The following MAST4 variants were observed in gnomAD, a reference collection of about 807,000 sequenced individuals.
The protein encoded by MAST4 is microtubule-associated serine/threonine-protein kinase 4.
Under a neutral mutation model 162.7 loss-of-function variants are expected in MAST4, and 89 were observed. The observed-to-expected ratio is 0.55, with a 90% CI of 0.46 to 0.65. The LOEUF is 0.65. Among genes scored for constraint, MAST4 ranks in the 30% least tolerant of loss-of-function variants. MAST4 has a pLI of 0.00. For missense variants in MAST4, 3,153 were observed against 3,374.0 expected, an observed-to-expected ratio of 0.93 and a Z score of 1.62; for synonymous variants, 1,479 against 1,361.1, an observed-to-expected ratio of 1.09 and a Z score of -1.91.
At chr5:66,822,406 T>C (rs2008947) in intron 3 of MAST4, among the ~76,000 whole-genome samples, 7,314 of 152,266 alleles carry the variant, frequency 0.048, 266 homozygotes, top group South Asian at 0.13. Context: ...AGCAGGGATG[T>C]GTATTATGCC....
At chr5:66,922,017 C>T (rs1003888528) in intron 4 of MAST4, among the ~76,000 whole-genome samples, 1 of 152,112 alleles carries the variant, frequency 6.6e-6, no homozygotes, top group African/African-American at 2.4e-5. Flanking sequence ...CACTGCTAGA[C>T]TATGTTAAGC....
At chr5:67,123,893 G>A (rs778354286) in intron 14 of MAST4, among the ~76,000 whole-genome samples, 62 of 152,116 alleles carry the variant, frequency 4.1e-4, no homozygotes, top group African/African-American at 4.1e-4. Context: ...AGTGGCATAC[G>A]CCCTGTCTCC....
At chr5:66,829,143 T>A (rs948342429) in intron 3 of MAST4, among the ~76,000 whole-genome samples, 1 of 151,842 alleles carries the variant, frequency 6.6e-6, no homozygotes, top group African/African-American at 2.4e-5. Context: ...TATTCAAGAA[T>A]AGTTAAATTG....
chr5:66,622,831 A>C (rs10074858), intron 1 of MAST4: 82,789 of 151,974 alleles, frequency 0.54, 22,698 homozygotes, highest in Non-Finnish European at 0.58. Context: ...ACCTTGCGGC[A>C]CAGAATCCCA....
At chr5:67,102,862 C>T (rs931244571) in intron 9 of MAST4, among the ~76,000 whole-genome samples, 31 of 152,290 alleles carry the variant, frequency 2.0e-4, no homozygotes, top group Middle Eastern at 6.8e-3. Flanking sequence ...GCACCACACA[C>T]GGGGTGGGCC....
intron 4 of MAST4, among the ~76,000 whole-genome samples, chr5:66,966,772 T>C (rs1164518007): frequency 6.6e-6 from 1 of 152,220 alleles, no homozygotes; most frequent in Non-Finnish European, 1.5e-5. Flanking sequence ...ATCTTTGTTG[T>C]AGAAGTTGAT....
intron 1 of MAST4, among the ~76,000 whole-genome samples, chr5:66,746,312 T>G (rs1752756324): frequency 6.6e-6 from 1 of 152,166 alleles, no homozygotes; most frequent in Non-Finnish European, 1.5e-5. Context: ...AAGAGGAGGT[T>G]AAGGTTGACT....
intron 3 of MAST4, among the ~76,000 whole-genome samples, chr5:66,880,692 TCTCTCTACTC>T: frequency 6.6e-6 from 1 of 152,330 alleles, no homozygotes; most frequent in Admixed American, 6.5e-5. Flanking sequence ...CAGCCTAACA[TCTCTCTACTC>T]AGACCCATAC....
chr5:67,115,219 T>TA (rs1766743545), intron 12 of MAST4: 1 of 152,208 alleles, frequency 6.6e-6, no homozygotes, highest in African/African-American at 2.4e-5. Flanking sequence ...TTATTATTTA[T>TA]AACATTTAGG....
chr5:66,784,537 C>A (rs1012170267), intron 2 of MAST4, among the ~76,000 whole-genome samples: 1 of 152,180 alleles, frequency 6.6e-6, no homozygotes, highest in Admixed American at 6.5e-5. Context: ...GACAGATCTA[C>A]CATACTCCTC....
At chr5:66,854,020 T>G (rs553555091) in intron 3 of MAST4, among the ~76,000 whole-genome samples, 2 of 152,200 alleles carry the variant, frequency 1.3e-5, no homozygotes, top group Non-Finnish European at 2.9e-5. Flanking sequence ...ATTTGCTTTT[T>G]CCACAAAGGC....
At position 66,846,391 on chromosome 5, in the gene MAST4, G is replaced by GAATA. The variant is rs1758858225; in HGVS notation, c.643-53560_643-53559insAATA. 2.6e-5 allele frequency among the ~76,000 whole-genome samples: 4 copies of GAATA among 152,270 alleles called. No individual in the cohort carries two copies. The South Asian group carries it at 8.3e-4, about 32-fold the overall frequency. On this transcript the variant is annotated intron_variant, in intron 3 of 28. Transcript: ENST00000403625. ...CATACTTCTCCAATAGCCTTGAGGA[G>GAATA]CTAAAGCTATGATGTATTTTTTTCA...
chr5:67,089,394 C>T (rs146398184), intron 5 of MAST4, among the ~76,000 whole-genome samples: 15 of 152,314 alleles, frequency 9.8e-5, no homozygotes, highest in African/African-American at 2.2e-4. Flanking sequence ...CTCCTTCCAA[C>T]GAGCAATCAC....
chr5:67,143,099 C>T (rs12697039), intron 21 of MAST4: 106,615 of 152,114 alleles, frequency 0.7, 39,266 homozygotes, highest in Non-Finnish European at 0.81. Context: ...AGCAAAGATA[C>T]CTGCGGACAG....
At chr5:66,611,283 C>G (rs16895295) in intron 1 of MAST4, among the ~76,000 whole-genome samples, 4 of 152,144 alleles carry the variant, frequency 2.6e-5, no homozygotes, top group Non-Finnish European at 2.9e-5. Context: ...CTTGTTCCAG[C>G]GGCGACCTTA....
chr5:66,694,730 G>A (rs965966675), intron 1 of MAST4, among the ~76,000 whole-genome samples: 3 of 152,054 alleles, frequency 2.0e-5, no homozygotes, highest in Admixed American at 1.3e-4. Flanking sequence ...CAGGTGATCC[G>A]CCCACCTTGG....
At chr5:66,675,753 C>T (rs932216009) in intron 1 of MAST4, among the ~76,000 whole-genome samples, 34 of 152,118 alleles carry the variant, frequency 2.2e-4, no homozygotes, top group African/African-American at 6.5e-4. Flanking sequence ...GGAACAAAGA[C>T]CTGAATCTAA....
At chr5:66,789,988 ATTTTTTTTTTT>A (rs57743987) in intron 3 of MAST4, among the ~76,000 whole-genome samples, 1 of 52,472 alleles carries the variant, frequency 1.9e-5, no homozygotes. Context: ...GCTTATTAGA[ATTTTTTTTTTT>A]TTTTTTTTTT....
intron 4 of MAST4, among the ~76,000 whole-genome samples, chr5:67,033,574 C>T (rs1045405022): frequency 2.0e-5 from 3 of 152,128 alleles, no homozygotes; most frequent in African/African-American, 7.2e-5. Flanking sequence ...TGTTAGTTTA[C>T]ATTAGTGAAA....
Sources: gnomAD v4.1 joint callset for allele counts (sites outside exome capture counted in the v4.1 genomes callset) on GRCh38, gnomAD v4.1.1 for gene constraint, MANE v1.5 for transcripts, NCBI Gene and HGNC (gene_info 2026-07-23, HGNC 2026-07-21) for gene names.